AFDN: variants seen among roughly 807,000 people sequenced by gnomAD.
AFDN encodes afadin, adherens junction formation factor, also known as afadin.
In AFDN, 68 loss-of-function variants were observed where a neutral mutation model predicts 216.6. The observed-to-expected ratio is 0.31, with a 90% CI of 0.26 to 0.38. The LOEUF (loss-of-function observed/expected upper bound fraction) is 0.38. AFDN is among the 10% of genes least tolerant of loss of function. The pLI is 1.00. For missense variants in AFDN, 2,136 were observed against 2,342.0 expected (o/e 0.91, Z 1.82); for synonymous variants, 868 against 853.7 (o/e 1.02, Z -0.29).
At chr6:167,908,467 G>A (rs146217944) in intron 13 of AFDN, among the ~76,000 whole-genome samples, 2,233 of 152,216 alleles carry the variant, frequency 0.015, 23 homozygotes, top group Non-Finnish European at 0.022. Flanking sequence ...GTTTTTGTTG[G>A]TGGATTATGG....
Position 167,897,092 on chromosome 6 carries a change from A to G in AFDN, c.1317+120A>G, listed in dbSNP as rs192090884. 68 of 480,136 alleles carry G rather than the reference A, an allele frequency of 1.4e-4. 1 individual carries two copies. In the East Asian group the frequency reaches 2.1e-3, roughly 15 times the overall value. 29.7% of individuals were successfully genotyped at this position (480,136 alleles called of 1,614,324 possible). Reference sequence around the variant, plus strand: ...TAATTACCGACTTGTATTTAAATATAAATAATTTATCTACTCTGGGTCACT... The same window carrying G: ...TAATTACCGACTTGTATTTAAATATGAATAATTTATCTACTCTGGGTCACT... On this transcript the variant is annotated intron_variant, in intron 10 of 33. Coordinates refer to ENST00000683244, the MANE Select transcript of AFDN (RefSeq NM_001386888.1).
intron 31 of AFDN, chr6:167,965,117 T>G: frequency 1.0e-6 from 1 of 997,350 alleles, no homozygotes. Context: ...GAAAGCATAT[T>G]TGTTAGATTG....
At chr6:167,831,494 T>C (rs1779828844) in intron 1 of AFDN, among the ~76,000 whole-genome samples, 1 of 152,222 alleles carries the variant, frequency 6.6e-6, no homozygotes, top group African/African-American at 2.4e-5. Context: ...CTAACAGTGT[T>C]GAGTCATCTT....
intron 30 of AFDN, chr6:167,952,400 GTATT>G (rs1317822182): frequency 1.4e-6 from 2 of 1,442,678 alleles, no homozygotes; most frequent in Non-Finnish European, 1.8e-6. Context: ...GCTTTGACAA[GTATT>G]AAATACAATT....
At position 167,962,520 on chromosome 6, in the gene AFDN, C is replaced by T. The variant is rs781720897; in HGVS notation, c.4921C>T (p.Arg1641Cys). 23 of 1,613,638 alleles carry T rather than the reference C, an allele frequency of 1.4e-5. No individual in the cohort carries two copies. The highest frequency in any genetic ancestry group is 2.2e-5 in the East Asian group (1 of 44,890). Residue 1641 changes from arginine (R) to cysteine (C), a missense_variant, in exon 31 of 34, where the codon CGC becomes TGC. Coordinates refer to ENST00000683244, the MANE Select transcript of AFDN (RefSeq NM_001386888.1). This position sits in a 1 kb window ranked among gnomAD's most constrained non-coding sequence, Gnocchi z 5.2. ...AEDRARQEEE[R>C]RRQEEERTKR... Reference sequence around the variant, plus strand: ...AGACCGAGCGAGGCAAGAGGAAGAGCGCCGGCGGCAGGAGGAGGAGCGAAC... The same window carrying T: ...AGACCGAGCGAGGCAAGAGGAAGAGTGCCGGCGGCAGGAGGAGGAGCGAAC...
intron 30 of AFDN, 40 bp downstream of exon 30, chr6:167,952,227 C>T (rs777562802): frequency 1.9e-6 from 3 of 1,613,346 alleles, no homozygotes; most frequent in East Asian, 2.2e-5. Flanking sequence ...ATCTGTGGTC[C>T]CTATTTTAGC....
chr6:167,908,041 A>G (rs1789930676), intron 13 of AFDN, among the ~76,000 whole-genome samples: 1 of 152,248 alleles, frequency 6.6e-6, no homozygotes, highest in African/African-American at 2.4e-5. Context: ...CTCAGACAGA[A>G]ATACAGAAAG....
intron 30 of AFDN, among the ~76,000 whole-genome samples, chr6:167,957,278 C>G (rs1201483831): frequency 2.0e-5 from 3 of 152,184 alleles, no homozygotes; most frequent in Admixed American, 6.5e-5. Context: ...TGTGGACATG[C>G]TATACACATT....
At chr6:167,834,853 A>G (rs972620834) in intron 1 of AFDN, among the ~76,000 whole-genome samples, 1 of 152,068 alleles carries the variant, frequency 6.6e-6, no homozygotes, top group African/African-American at 2.4e-5. Flanking sequence ...AGGGTGGCAC[A>G]TACCTGTGTT....
intron 8 of AFDN, chr6:167,893,631 G>C (rs1233459264): frequency 4.2e-6 from 2 of 476,754 alleles, no homozygotes; most frequent in Non-Finnish European, 7.7e-6. Context: ...TTGTCCTGTG[G>C]TTTCCCTTAA....
At chr6:167,961,976 G>A (rs1213938058) in intron 30 of AFDN, among the ~76,000 whole-genome samples, 5 of 152,162 alleles carry the variant, frequency 3.3e-5, no homozygotes, top group African/African-American at 1.2e-4. Context: ...CTATGCAGAG[G>A]CGAGTGGGGG....
At chr6:167,846,622 CT>C (rs763120052) in intron 1 of AFDN, among the ~76,000 whole-genome samples, 25 of 141,104 alleles carry the variant, frequency 1.8e-4, no homozygotes, top group Admixed American at 2.9e-4. Context: ...TATGAAATGG[CT>C]TTTTTTTTCA....
Position 167,954,372 on chromosome 6 carries a change from T to C in AFDN, c.4833+2185T>C, listed in dbSNP as rs1022813943. 1.7e-5 allele frequency: 18 copies of C among 1,076,798 alleles called. No individual in the cohort carries two copies. In the Admixed American group the frequency reaches 2.2e-4, roughly 13 times the overall value. The allele number at this position is 1,076,798 out of a possible 1,614,324, so 66.7% of individuals were successfully genotyped here. On this transcript the variant is annotated intron_variant, in intron 30 of 33. Transcript: ENST00000683244. The stretch of plus-strand genomic sequence containing the variant: ...GATGACGCATGATAGTGAGAAAATA[T>C]GCCGATGGCAGATTACAGGTCTAAA...
intron 30 of AFDN, among the ~76,000 whole-genome samples, chr6:167,953,588 G>A (rs993951212): frequency 3.3e-5 from 5 of 152,178 alleles, no homozygotes; most frequent in Non-Finnish European, 7.3e-5. Flanking sequence ...TTCCTGATGA[G>A]TAGCTGTGTT....
chr6:167,891,053 A>G, intron 8 of AFDN, 24 bp downstream of exon 8: 1 of 1,550,618 alleles, frequency 6.4e-7, no homozygotes, highest in Non-Finnish European at 8.7e-7. Context: ...TCACACCAGC[A>G]CACATTATTA....
At chr6:167,914,365 G>T in intron 17 of AFDN, 52 bp downstream of exon 17, 1 of 1,575,902 alleles carries the variant, frequency 6.3e-7, no homozygotes, top group Non-Finnish European at 8.7e-7. Context: ...TAAGTCATTT[G>T]TTTTCTTATT....
intron 23 of AFDN, among the ~76,000 whole-genome samples, chr6:167,934,640 T>A (rs1793753280): frequency 6.6e-6 from 1 of 152,154 alleles, no homozygotes; most frequent in Non-Finnish European, 1.5e-5. Flanking sequence ...CTAGGTTTTC[T>A]TACCTGAGAA....
intron 10 of AFDN, among the ~76,000 whole-genome samples, chr6:167,897,478 A>G (rs559110560): frequency 1.6e-4 from 24 of 152,144 alleles, no homozygotes; most frequent in Non-Finnish European, 2.5e-4. Flanking sequence ...TTAGTTCTCA[A>G]TTTGTAAGAT....
In AFDN at chr6:167,951,476, AC is replaced by A; in HGVS notation, c.4127del (p.Pro1376ArgfsTer29). The A allele has an allele frequency of 6.2e-7, 1 of 1,613,196 alleles. No individual in the cohort carries two copies. The highest frequency in any genetic ancestry group is 8.5e-7 in the Non-Finnish European group (1 of 1,179,698). On this transcript the variant is annotated frameshift_variant, in exon 30 of 34. Coordinates refer to ENST00000683244, the MANE Select transcript of AFDN (RefSeq NM_001386888.1). LOFTEE classifies it high-confidence loss of function. This position sits in a 1 kb window ranked among gnomAD's most constrained non-coding sequence, Gnocchi z 7.1. Reference protein sequence around the residue: ...QPIRTDLPPPPPPPPVHYAGD... With the variant: ...QPIRTDLPPPXPPPPVHYAGD... ...CAATCCGAACAGACCTGCCTCCGCC[AC>A]CCCCGCCACCTCCAGTCCACTATGC...
Sources: gnomAD v4.1 joint callset for allele counts (sites outside exome capture counted in the v4.1 genomes callset) on GRCh38, gnomAD v4.1.1 for gene constraint, Gnocchi (gnomAD v3.1) non-coding constraint, MANE v1.5 for transcripts, NCBI Gene and HGNC (gene_info 2026-07-23, HGNC 2026-07-21) for gene names.